NTRK1: variants seen among roughly 807,000 people sequenced by gnomAD.
The protein encoded by NTRK1 is high affinity nerve growth factor receptor.
In NTRK1, 62 loss-of-function variants were observed where a neutral mutation model predicts 86.8. The ratio of observed to expected loss-of-function variants is 0.71; its 90% confidence interval spans 0.58 to 0.88. NTRK1 has a LOEUF of 0.88. Among genes scored for constraint, NTRK1 ranks in the 40% least tolerant of loss-of-function variants. The pLI is 0.00. For missense variants in NTRK1, 967 were observed against 1,078.4 expected (o/e 0.90, Z 1.45); for synonymous variants, 469 against 456.6 (o/e 1.03, Z -0.35).
At chr1:156,821,706 G>C (rs1400578728) in intron 1 of NTRK1, among the ~76,000 whole-genome samples, 1 of 152,194 alleles carries the variant, frequency 6.6e-6, no homozygotes, top group Non-Finnish European at 1.5e-5. Flanking sequence ...CCAGTTGCTT[G>C]GTAAGCATTT....
At position 156,832,748 on chromosome 1, in the gene NTRK1, A is replaced by C. The variant is rs80181502; in HGVS notation, c.-63-9333A>C. On this transcript the variant is annotated intron_variant, in intron 1 of 16. Transcript: ENST00000392302. The stretch of plus-strand genomic sequence containing the variant: ...GCCATTGAAGGATTTTCAGCAGGGA[A>C]GCATCGAGATCCGAGTTTCATCATC... Among the ~76,000 whole-genome samples the C allele has an allele frequency of 2.4e-4, 36 of 152,306 alleles. No homozygotes were observed. The East Asian group carries it at 6.2e-3, about 26-fold the overall frequency.
chr1:156,838,608 C>T (rs553713368), intron 1 of NTRK1, among the ~76,000 whole-genome samples: 1 of 152,380 alleles, frequency 6.6e-6, no homozygotes, highest in Non-Finnish European at 1.5e-5. Context: ...CAACCTCCAT[C>T]TATCTTGCTA....
At chr1:156,864,583 G>A in intron 2 of NTRK1, 145 bp from the exon 3 acceptor site, 2 of 1,119,062 alleles carry the variant, frequency 1.8e-6, no homozygotes, top group Non-Finnish European at 2.7e-6. Context: ...GCTTTGAGGG[G>A]TCTAGAGTAG....
At chr1:156,872,777 G>A (rs1410353041) in intron 7 of NTRK1, among the ~76,000 whole-genome samples, 2 of 151,016 alleles carry the variant, frequency 1.3e-5, no homozygotes, top group South Asian at 2.1e-4. Context: ...CCAGGTTCAC[G>A]TCATTCTCCT....
Position 156,868,207 on chromosome 1 carries a change from C to G in NTRK1, c.532C>G (p.His178Asp), listed in dbSNP as rs753737755. 27 of 1,612,982 alleles carry G rather than the reference C, an allele frequency of 1.7e-5. 1 individual carries two copies. The South Asian group carries it at 2.7e-4, about 16-fold the overall frequency. Residue 178 changes from histidine to aspartate, a missense_variant, in exon 5 of 17, where the codon CAT becomes GAT. His to Asp is a moderately conservative substitution (Grantham distance 81). Around this residue, in one of 2 missense-constraint regions of NTRK1, gnomAD observed 330 missense variants for 302.0 expected, o/e 1.09. Coordinates refer to ENST00000524377, the MANE Select transcript of NTRK1 (RefSeq NM_002529.4). ...AGTGCCTGAACAGAAGCTGCAGTGT[C>G]ATGGGCAAGGGCCCCTGGCCCACAT... ...GGVPEQKLQC[H>D]GQGPLAHMPN... is the part of the protein sequence containing the mutation.
intron 7 of NTRK1, among the ~76,000 whole-genome samples, chr1:156,872,645 A>G (rs986660319): frequency 6.6e-6 from 1 of 150,906 alleles, no homozygotes; most frequent in Non-Finnish European, 1.5e-5. Context: ...TCTATCATTG[A>G]GGGGCTTTTA....
intron 2 of NTRK1, chr1:156,845,276 C>G (rs764071681): frequency 6.2e-7 from 1 of 1,612,386 alleles, no homozygotes; most frequent in Admixed American, 1.7e-5. Flanking sequence ...CCCAGCTGCC[C>G]GGCGGTGCCG....
rs374957692 is a variant in NTRK1, at chr1:156,881,586, G to T, written c.2335G>T (p.Ala779Ser). ...ACGCCACAGCATCAAGGATGTGCAC[G>T]CCCGGCTGCAAGCCCTGGCCCAGGC... ...QQRHSIKDVH[A>S]RLQALAQAPP... The change falls in exon 17 of 17, where the codon GCC (alanine) becomes TCC (serine). Residue 779 changes from alanine (A) to serine (S), a missense_variant. This residue lies in a region of NTRK1 where 637 missense variants were observed against 776.5 expected (regional missense o/e 0.82). Coordinates refer to ENST00000524377, the MANE Select transcript of NTRK1 (RefSeq NM_002529.4). The T allele has an allele frequency of 6.2e-7, 1 of 1,611,332 alleles. No individual in the cohort carries two copies. The highest frequency in any genetic ancestry group is 8.5e-7 in the Non-Finnish European group (1 of 1,179,128).
intron 2 of NTRK1, chr1:156,846,135 G>T: frequency 6.4e-7 from 1 of 1,571,634 alleles, no homozygotes; most frequent in African/African-American, 1.3e-5. Flanking sequence ...AGTGCGAGAA[G>T]GATGCAACTC....
At chr1:156,828,558 G>C (rs937268951) in intron 1 of NTRK1, among the ~76,000 whole-genome samples, 1 of 152,262 alleles carries the variant, frequency 6.6e-6, no homozygotes, top group Non-Finnish European at 1.5e-5. Flanking sequence ...GCAGTCGCGG[G>C]TCGGCCTCTG....
Position 156,854,283 on chromosome 1 carries a change from G to A in NTRK1, c.51-10071G>A, listed in dbSNP as rs762658989. 5.8e-5 allele frequency: 93 copies of A among 1,611,820 alleles called. No individual in the cohort carries two copies. The highest frequency in any genetic ancestry group is 7.1e-5 in the Non-Finnish European group (84 of 1,179,308). On this transcript the variant is annotated intron_variant, in intron 2 of 16. Coordinates refer to the NTRK1 transcript ENST00000392302. This position sits in a 1 kb window ranked among gnomAD's most constrained non-coding sequence, Gnocchi z 4.2. ...TGACGAAGCTCTGCCACCTCTGAGC[G>A]AATATCCAGGCTGGGGCACACTGTG...
At chr1:156,822,862 A>G (rs915608673) in intron 1 of NTRK1, among the ~76,000 whole-genome samples, 1 of 152,178 alleles carries the variant, frequency 6.6e-6, no homozygotes, top group Non-Finnish European at 1.5e-5. Context: ...GAAACTATTC[A>G]GAGATGTCCC....
chr1:156,821,409 G>A (rs1654185070), intron 1 of NTRK1, among the ~76,000 whole-genome samples: 1 of 151,792 alleles, frequency 6.6e-6, no homozygotes, highest in Non-Finnish European at 1.5e-5. Flanking sequence ...TAGTGGTGTA[G>A]GCTGGTGCTA....
chr1:156,843,328 C>T (rs1654871223), intron 2 of NTRK1: 1 of 1,568,020 alleles, frequency 6.4e-7, no homozygotes, highest in Non-Finnish European at 8.8e-7. Flanking sequence ...GGCTCTTGTC[C>T]CAAGGCTATC....
rs1571681483 is a variant in NTRK1, at chr1:156,861,117, C to T, written c.183C>T (p.His61=). The T allele has an allele frequency of 7.6e-6, 12 of 1,582,706 alleles. No homozygotes were observed. Among genetic ancestry groups the T allele is most frequent in the Non-Finnish European group, 9.4e-6 (11 of 1,168,282 alleles). ...ATGGGGCCCTGGATAGCCTCCACCA[C>T]CTGCCCGGCGCAGAGAACCTGACTG... ...TRDGALDSLH[H]LPGAENLTEL... is the part of the protein sequence containing the mutation. The change falls in exon 1 of 17, where the codon CAC becomes CAT. Residue 61 remains histidine (H), a synonymous_variant. Coordinates refer to ENST00000524377, the MANE Select transcript of NTRK1 (RefSeq NM_002529.4).
intron 2 of NTRK1, chr1:156,845,543 C>A: frequency 7.6e-7 from 1 of 1,310,930 alleles, no homozygotes; most frequent in African/African-American, 1.5e-5. Context: ...ACCCACAAAC[C>A]CCACCCCTCC....
chr1:156,817,978 TC>T (rs1654062368), intron 1 of NTRK1, among the ~76,000 whole-genome samples: 1 of 152,158 alleles, frequency 6.6e-6, no homozygotes. Context: ...TGCTTAGACT[TC>T]CCACCATACC....
chr1:156,866,090 G>A (rs1337794533), intron 3 of NTRK1, among the ~76,000 whole-genome samples: 3 of 152,220 alleles, frequency 2.0e-5, no homozygotes, highest in African/African-American at 4.8e-5. Flanking sequence ...TCACACAGCT[G>A]TAAGTGGCAG....
At chr1:156,879,898 G>A (rs1558108576) in intron 15 of NTRK1, 101 bp from the exon 16 acceptor site, 34 of 1,480,020 alleles carry the variant, frequency 2.3e-5, no homozygotes, top group African/African-American at 2.8e-5. Flanking sequence ...GTGAACCACC[G>A]AGCTTGTGTA....
Sources: allele counts gnomAD v4.1 joint callset (sites outside exome capture counted in the v4.1 genomes callset), GRCh38; gene constraint gnomAD v4.1.1; regional missense constraint gnomAD v4.1.1; non-coding constraint Gnocchi (gnomAD v3.1); transcripts MANE v1.5; gene names NCBI Gene and HGNC (gene_info 2026-07-23, HGNC 2026-07-21).